Variants in ELL observed in about 807,000 individuals in gnomAD.
ELL encodes the protein elongation factor for RNA polymerase II.
ELL carries 18 observed loss-of-function variants against 64.0 expected under a neutral mutation model. The observed-to-expected ratio is 0.28, with a 90% CI of 0.19 to 0.42. The LOEUF (loss-of-function observed/expected upper bound fraction) is 0.42, where lower values mean the gene tolerates loss of function less well. Among genes scored for constraint, ELL ranks in the 10% least tolerant of loss-of-function variants. ELL has a pLI of 1.00. For synonymous variants in ELL, 399 were observed against 376.2 expected, an observed-to-expected ratio of 1.06 and a Z score of -0.70; for missense variants, 797 against 870.4, an observed-to-expected ratio of 0.92 and a Z score of 1.06.
rs190675490 is a variant in ELL at position 18,487,164 on chromosome 19, G to A, written c.136-14282C>T. Among the ~76,000 whole-genome samples, 88 of 152,270 alleles carry A rather than the reference G, an allele frequency of 5.8e-4. 1 individual carries two copies. The highest frequency in any genetic ancestry group is 6.8e-3 in the Middle Eastern group (2 of 294). ...CTGAGAAAGGAGTAACTGCTTCTGA[G>A]CCATTGCCCATATGGGCTGGCATTC... On this transcript the variant is annotated intron_variant, in intron 1 of 11. Coordinates refer to ENST00000262809, the MANE Select transcript of ELL (RefSeq NM_006532.4).
rs1256928538 is a variant in ELL at position 18,489,644 on chromosome 19, C to T, written c.136-16762G>A. Among the ~76,000 whole-genome samples the T allele has an allele frequency of 5.3e-5, 8 of 152,316 alleles. No homozygotes were observed. The East Asian group carries it at 9.6e-4, about 18-fold the overall frequency. Reference sequence around the variant, plus strand: ...TAGCCCTGCAGCCCCCAGCAGCCCACGCTGGCCCCTTCATGGTACTCACAC... The same window carrying T: ...TAGCCCTGCAGCCCCCAGCAGCCCATGCTGGCCCCTTCATGGTACTCACAC... On this transcript the variant is annotated intron_variant, in intron 1 of 11. Transcript: ENST00000262809.
Position 18,497,815 on chromosome 19 carries a change from CAAAAAAAAAAAAAA to C in ELL, c.135+24092_135+24105del, listed in dbSNP as rs58521941. Among the ~76,000 whole-genome samples the C allele has an allele frequency of 7.7e-4, 42 of 54,214 alleles. 2 individuals are homozygous for C. The highest frequency in any genetic ancestry group is 1.4e-3 in the Non-Finnish European group (41 of 28,690). 35.6% of individuals were successfully genotyped at this position (54,214 alleles called of 152,430 possible). On this transcript the variant is annotated intron_variant, in intron 1 of 11. Transcript: ENST00000262809. ...TAGGCAAAAGAGTGAGATCTCATCT[CAAAAAAAAAAAAAA>C]AAAAAAAAAAAGATGTCAGCCAGAT...
At chr19:18,506,371 C>T (rs1490160216) in intron 1 of ELL, among the ~76,000 whole-genome samples, 1 of 152,248 alleles carries the variant, frequency 6.6e-6, no homozygotes, top group Non-Finnish European at 1.5e-5. Flanking sequence ...TGGCAAGTTA[C>T]CCTCTCCCCC....
intron 1 of ELL, among the ~76,000 whole-genome samples, chr19:18,516,434 G>C (rs1444539679): frequency 6.6e-6 from 1 of 152,124 alleles, no homozygotes; most frequent in East Asian, 1.9e-4. Flanking sequence ...CATCATTAAC[G>C]TTGACCGCCG....
chr19:18,449,344 T>C lies in ELL; in HGVS notation c.1465+1133A>G, dbSNP rs1466229803. On this transcript the variant is annotated intron_variant, in intron 8 of 11. Coordinates refer to ENST00000262809, the MANE Select transcript of ELL (RefSeq NM_006532.4). This position sits in a 1 kb window ranked among gnomAD's most constrained non-coding sequence, Gnocchi z 4.4. ...GTCCTGGGAATCAGGAGTCCTGCCC[T>C]GAGCATGGCCCTGGTCAGAGAGGCT... Among the ~76,000 whole-genome samples the C allele has an allele frequency of 6.6e-6, 1 of 152,068 alleles. No homozygotes were observed. Among genetic ancestry groups the C allele is most frequent in the Non-Finnish European group, 1.5e-5 (1 of 67,974 alleles).
intron 1 of ELL, among the ~76,000 whole-genome samples, chr19:18,482,308 CTTTTTTTTTTTTTTTT>C (rs530594631): frequency 1.3e-4 from 10 of 77,564 alleles, no homozygotes; most frequent in African/African-American, 5.9e-4. Context: ...CTTTTCATTC[CTTTTTTTTTTTTTTTT>C]TTTTTTTTTT....
intron 5 of ELL, among the ~76,000 whole-genome samples, chr19:18,461,018 C>T (rs756625812): frequency 6.6e-6 from 1 of 152,154 alleles, no homozygotes; most frequent in African/African-American, 2.4e-5. Flanking sequence ...CTCCAATGCC[C>T]GGGGTGTTTC....
chr19:18,500,592 G>A (rs1271445231), intron 1 of ELL, among the ~76,000 whole-genome samples: 1 of 152,216 alleles, frequency 6.6e-6, no homozygotes, highest in Non-Finnish European at 1.5e-5. Flanking sequence ...GCAGCTGTGT[G>A]TTGGGGCCGA....
At chr19:18,509,589 GCGCGCACATACACACACACACA>G (rs1259349521) in intron 1 of ELL, among the ~76,000 whole-genome samples, 6 of 110,170 alleles carry the variant, frequency 5.4e-5, no homozygotes, top group African/African-American at 2.6e-4. Flanking sequence ...ACGTGCGCGC[GCGCGCACATACACACACACACA>G]CACACACACA....
At chr19:18,475,175 C>CT (rs1230116613) in intron 1 of ELL, among the ~76,000 whole-genome samples, 1 of 152,092 alleles carries the variant, frequency 6.6e-6, no homozygotes, top group Non-Finnish European at 1.5e-5. Flanking sequence ...AAAAAGAGAC[C>CT]TATAGGGACC....
intron 1 of ELL, among the ~76,000 whole-genome samples, chr19:18,497,815 C>CAAAAAAAAAAAAAAAAAAAAAAA (rs58521941): frequency 1.8e-5 from 1 of 54,214 alleles, no homozygotes; most frequent in African/African-American, 6.6e-5. Flanking sequence ...GATCTCATCT[C>CAAAAAAAAAAAAAAAAAAAAAAA]AAAAAAAAAA....
chr19:18,489,940 C>A (rs148024959), intron 1 of ELL, among the ~76,000 whole-genome samples: 3 of 152,152 alleles, frequency 2.0e-5, no homozygotes, highest in Non-Finnish European at 4.4e-5. Context: ...AGGGCCCAGA[C>A]GCGCACTGAG....
Position 18,449,570 on chromosome 19 carries a change from A to T in ELL, c.1465+907T>A, listed in dbSNP as rs1466469600. On this transcript the variant is annotated intron_variant, in intron 8 of 11. Coordinates refer to ENST00000262809, the MANE Select transcript of ELL (RefSeq NM_006532.4). The surrounding 1 kb of genome is among the most constrained non-coding windows in gnomAD (Gnocchi z 4.4). Reference sequence around the variant, plus strand: ...GGCCCTCTGAGCAACGCAAAGCTATAATGAAAGAAGGGCTCCCACCCTCAT... The same window carrying T: ...GGCCCTCTGAGCAACGCAAAGCTATTATGAAAGAAGGGCTCCCACCCTCAT... Among the ~76,000 whole-genome samples the T allele has an allele frequency of 6.6e-6, 1 of 152,094 alleles. No individual in the cohort carries two copies. Among genetic ancestry groups the T allele is most frequent in the African/African-American group, 2.4e-5 (1 of 41,416 alleles).
intron 1 of ELL, among the ~76,000 whole-genome samples, chr19:18,500,344 G>T (rs1382143483): frequency 6.6e-6 from 1 of 152,036 alleles, no homozygotes; most frequent in African/African-American, 2.4e-5. Flanking sequence ...GTGACCATGA[G>T]GCTTCCTGTG....
rs1974916385 is a variant in ELL at position 18,465,594 on chromosome 19, A to T, written c.306-19T>A. 1 of 1,568,088 alleles carries T rather than the reference A, an allele frequency of 6.4e-7. No homozygotes were observed. The highest frequency in any genetic ancestry group is 1.4e-5 in the African/African-American group (1 of 73,934). On this transcript the variant is annotated intron_variant, in intron 3 of 11. Transcript: ENST00000262809. Reference sequence around the variant, plus strand: ...CCCATGACTGCAAGACAAGGCCAGGAGCTGGGGTCAGCAGCTGGGACAATG... The same window carrying T: ...CCCATGACTGCAAGACAAGGCCAGGTGCTGGGGTCAGCAGCTGGGACAATG...
intron 2 of ELL, among the ~76,000 whole-genome samples, chr19:18,472,025 C>T (rs1475208746): frequency 1.3e-5 from 2 of 151,726 alleles, no homozygotes; most frequent in African/African-American, 2.4e-5. Flanking sequence ...TACAATGGTG[C>T]GATCTCGGCT....
chr19:18,451,786 G>C (rs1225691774), intron 6 of ELL, 138 bp from the exon 7 acceptor site: 1 of 639,530 alleles, frequency 1.6e-6, no homozygotes, highest in Non-Finnish European at 2.5e-6. Flanking sequence ...AGGGCCAAGG[G>C]GTCACAGGAG....
At position 18,493,806 on chromosome 19, in the gene ELL, C is replaced by T. The variant is rs575069064; in HGVS notation, c.136-20924G>A. Among the ~76,000 whole-genome samples the T allele has an allele frequency of 1.4e-4, 21 of 152,338 alleles. No homozygotes were observed. The East Asian group carries it at 3.9e-3, about 28-fold the overall frequency. On this transcript the variant is annotated intron_variant, in intron 1 of 11. Coordinates refer to ENST00000262809, the MANE Select transcript of ELL (RefSeq NM_006532.4). ...TCCCTTTCTCATGGCCCGGGAAAGGCCTGCTGGGTCACTGACCACTCCTCA... is the reference window on the plus strand; with the variant it reads ...TCCCTTTCTCATGGCCCGGGAAAGGTCTGCTGGGTCACTGACCACTCCTCA...
intron 1 of ELL, among the ~76,000 whole-genome samples, chr19:18,509,946 T>C (rs1223661646): frequency 6.6e-6 from 1 of 152,242 alleles, no homozygotes; most frequent in East Asian, 1.9e-4. Context: ...TGCACCCATC[T>C]GAGCTCTTTG....
Sources: allele counts gnomAD v4.1 joint callset (sites outside exome capture counted in the v4.1 genomes callset), GRCh38; gene constraint gnomAD v4.1.1; non-coding constraint Gnocchi (gnomAD v3.1); transcripts MANE v1.5; gene names NCBI Gene and HGNC (gene_info 2026-07-23, HGNC 2026-07-21).